PRR5: variants seen among roughly 807,000 people sequenced by gnomAD.
The protein encoded by PRR5 is proline rich 5, also known as proline-rich protein 5.
PRR5 carries 25 observed loss-of-function variants against 30.6 expected under a neutral mutation model. That is an observed-to-expected ratio of 0.82 (90% CI 0.60 to 1.14). PRR5 has a LOEUF of 1.14. Among genes scored for constraint, PRR5 ranks in the 50% most tolerant of loss-of-function variants. The probability of loss-of-function intolerance (pLI) is 0.00; values close to 1 mark genes in which losing one functional copy is unlikely to be tolerated. For missense variants in PRR5, 600 were observed against 547.1 expected (o/e 1.10, Z -0.96); for synonymous variants, 286 against 247.1 (o/e 1.16, Z -1.48).
chr22:44,731,287 C>A, intron 4 of PRR5: 1 of 271,670 alleles, frequency 3.7e-6, no homozygotes, highest in Non-Finnish European at 7.3e-6. Context: ...CCGAGTGTAC[C>A]TACCTGTGCG....
At position 44,737,267 on chromosome 22, in the gene PRR5, A is replaced by C. The variant is rs1923458955; in HGVS notation, c.*20A>C. The C allele has an allele frequency of 6.3e-7, 1 of 1,579,414 alleles. No individual in the cohort carries two copies. The highest frequency in any genetic ancestry group is 1.1e-5 in the South Asian group (1 of 87,600). ...GTGTGAGGCCTCACAGCTGGCCTTGAGTTTTTACTGACACGTCCCTGTGTG... is the reference window on the plus strand; with the variant it reads ...GTGTGAGGCCTCACAGCTGGCCTTGCGTTTTTACTGACACGTCCCTGTGTG... On this transcript the variant is annotated 3_prime_UTR_variant, in exon 8 of 8. Transcript: ENST00000336985.
intron 1 of PRR5, among the ~76,000 whole-genome samples, chr22:44,689,375 C>T (rs2146964332): frequency 6.6e-6 from 1 of 152,314 alleles, no homozygotes; most frequent in Admixed American, 6.5e-5. Context: ...CAGACACCCC[C>T]AGGGCCAGAT....
intron 2 of PRR5, among the ~76,000 whole-genome samples, chr22:44,719,699 A>G (rs5765930): frequency 0.83 from 126,125 of 152,116 alleles, 52,349 homozygotes; most frequent in East Asian, 0.89. Flanking sequence ...GCTTTTGACC[A>G]TGAGAAGCGT....
At position 44,736,901 on chromosome 22, in the gene PRR5, G is replaced by A. The variant is rs1202925396; in HGVS notation, c.821G>A (p.Gly274Asp). ...QEHEAEGAAA[G>D]GTSIRRHSVS... is the part of the protein sequence containing the mutation. ...CACGAGGCGGAGGGCGCGGCGGCCG[G>A]CGGTACCAGCATCCGCAGGCACTCT... The change falls in exon 8 of 8, where the codon GGC (glycine) becomes GAC (aspartate). Residue 274 changes from glycine (G) to aspartate (D), a missense_variant. Physicochemically the swap from Gly to Asp is moderately conservative, Grantham distance 94. Coordinates refer to ENST00000336985, the MANE Select transcript of PRR5 (RefSeq NM_181333.4). 2 of 1,608,604 alleles carry A rather than the reference G, an allele frequency of 1.2e-6. No homozygotes were observed. Among genetic ancestry groups the A allele is most frequent in the Non-Finnish European group, 1.7e-6 (2 of 1,178,740 alleles).
At chr22:44,725,363 GC>G in intron 3 of PRR5, 71 bp downstream of exon 3, 2 of 1,594,490 alleles carry the variant, frequency 1.3e-6, no homozygotes, top group Non-Finnish European at 8.5e-7. Flanking sequence ...GGGCTCACCT[GC>G]CCCCGGGGGT....
Position 44,691,329 on chromosome 22 carries a change from C to T in PRR5, c.-10-11163C>T, listed in dbSNP as rs969639118. Among the ~76,000 whole-genome samples the T allele has an allele frequency of 3.8e-4, 58 of 152,278 alleles. No individual in the cohort carries two copies. The highest frequency in any genetic ancestry group is 1.3e-3 in the African/African-American group (56 of 41,562). On this transcript the variant is annotated intron_variant, in intron 1 of 8. Coordinates refer to the PRR5 transcript ENST00000006251. This position sits in a 1 kb window ranked among gnomAD's most constrained non-coding sequence, Gnocchi z 4.4. ...CAGGACTCAGAACCTCCATGTCCACCTCGGTGGCACGGAGAGGAGGCTACC... is the reference window on the plus strand; with the variant it reads ...CAGGACTCAGAACCTCCATGTCCACTTCGGTGGCACGGAGAGGAGGCTACC...
chr22:44,679,903 G>A lies in PRR5; in HGVS notation c.-11+2663G>A, dbSNP rs777195921. The A allele has an allele frequency of 3.4e-5, 53 of 1,563,018 alleles. 1 individual carries two copies. The highest frequency in any genetic ancestry group is 3.6e-4 in the Middle Eastern group (2 of 5,528). On this transcript the variant is annotated intron_variant, in intron 1 of 8. Transcript: ENST00000006251. ...TTGTACAGGTGCCACTGTGCCGAAG[G>A]GTGGCTACGAGGGAGGCAGGTGTAT...
At chr22:44,688,614 C>T (rs1243401768) in intron 1 of PRR5, among the ~76,000 whole-genome samples, 1 of 152,158 alleles carries the variant, frequency 6.6e-6, no homozygotes, top group Admixed American at 6.5e-5. Context: ...GGCAGGGAGG[C>T]TGTCACTCCA....
chr22:44,721,562 A>G (rs1020933695), intron 2 of PRR5, among the ~76,000 whole-genome samples: 1 of 152,182 alleles, frequency 6.6e-6, no homozygotes, highest in Admixed American at 6.5e-5. Flanking sequence ...TGTAGAAAAG[A>G]GGGGTTGCAA....
At chr22:44,723,572 T>C (rs1017681369) in intron 2 of PRR5, among the ~76,000 whole-genome samples, 1 of 151,702 alleles carries the variant, frequency 6.6e-6, no homozygotes, top group African/African-American at 2.4e-5. Context: ...ATACAAAAAT[T>C]AGCTGGGCGT....
intron 1 of PRR5, among the ~76,000 whole-genome samples, chr22:44,705,549 T>C (rs1927058723): frequency 6.6e-6 from 1 of 152,082 alleles, no homozygotes; most frequent in Non-Finnish European, 1.5e-5. Flanking sequence ...AGTCTCTAAC[T>C]CCTGACCTCA....
chr22:44,697,935 G>T (rs1164722827), upstream of PRR5, among the ~76,000 whole-genome samples: 1 of 152,220 alleles, frequency 6.6e-6, no homozygotes, highest in Non-Finnish European at 1.5e-5. Context: ...GGCCCCTTCA[G>T]GGGTATGCTG....
upstream of PRR5, among the ~76,000 whole-genome samples, chr22:44,675,461 G>A (rs1460245854): frequency 2.6e-5 from 4 of 152,122 alleles, no homozygotes; most frequent in Admixed American, 1.3e-4. Context: ...CCAGGAGCTC[G>A]TGAGCAGTCA....
chr22:44,694,215 A>C (rs1184510746), intron 1 of PRR5, among the ~76,000 whole-genome samples: 1 of 152,122 alleles, frequency 6.6e-6, no homozygotes, highest in Non-Finnish European at 1.5e-5. Context: ...CCCTGCCTCC[A>C]CACTCTACTC....
chr22:44,696,168 C>T (rs1925729739), intron 1 of PRR5, among the ~76,000 whole-genome samples: 1 of 152,248 alleles, frequency 6.6e-6, no homozygotes, highest in Admixed American at 6.5e-5. Context: ...AGGTGATCCA[C>T]CCGCCTCAGC....
intron 1 of PRR5, among the ~76,000 whole-genome samples, chr22:44,695,207 G>C (rs2146979676): frequency 6.6e-6 from 1 of 152,144 alleles, no homozygotes; most frequent in African/African-American, 2.4e-5. Flanking sequence ...GAGAGGGGCT[G>C]TCTACAAGAA....
chr22:44,676,390 CAAAAAAAAAAAAAA>C (rs59016907), upstream of PRR5, among the ~76,000 whole-genome samples: 1 of 37,072 alleles, frequency 2.7e-5, no homozygotes, highest in African/African-American at 8.3e-5. Flanking sequence ...GACCCTGTCT[CAAAAAAAAAAAAAA>C]AAAAAAAAAA....
chr22:44,698,462 C>T (rs551847716), upstream of PRR5, among the ~76,000 whole-genome samples: 1 of 152,270 alleles, frequency 6.6e-6, no homozygotes, highest in Admixed American at 6.5e-5. Context: ...CCCTTTGTCT[C>T]TCATTTCCTT....
chr22:44,696,432 C>T (rs1925750657), intron 1 of PRR5, among the ~76,000 whole-genome samples: 1 of 152,238 alleles, frequency 6.6e-6, no homozygotes, highest in African/African-American at 2.4e-5. Context: ...CAAGACCTGG[C>T]TGACAGGTGG....
Sources: gnomAD v4.1 joint callset for allele counts (sites outside exome capture counted in the v4.1 genomes callset) on GRCh38, gnomAD v4.1.1 for gene constraint, Gnocchi (gnomAD v3.1) non-coding constraint, MANE v1.5 for transcripts, NCBI Gene and HGNC (gene_info 2026-07-23, HGNC 2026-07-21) for gene names.